DOCK2: variants seen among roughly 807,000 people sequenced by gnomAD.
DOCK2 encodes the protein dedicator of cytokinesis 2.
In DOCK2, 87 loss-of-function variants were observed where a neutral mutation model predicts 248.9. The ratio of observed to expected loss-of-function variants is 0.35; its 90% CI spans 0.29 to 0.42. The LOEUF is 0.42. Ranked by LOEUF, DOCK2 falls within the 10% of genes least tolerant of loss-of-function variation. The probability of loss-of-function intolerance (pLI) is 1.00; values close to 1 mark genes in which losing one functional copy is unlikely to be tolerated. For missense variants in DOCK2, 1,747 were observed against 2,300.2 expected, an observed-to-expected ratio of 0.76 and a Z score of 4.92; for synonymous variants, 805 against 821.6, an observed-to-expected ratio of 0.98 and a Z score of 0.35.
intron 27 of DOCK2, chr5:169,864,258 A>C: frequency 2.6e-6 from 4 of 1,548,874 alleles, no homozygotes; most frequent in Non-Finnish European, 3.5e-6. Context: ...GGGCTGGGGG[A>C]TGGTCCCAAC....
intron 2 of DOCK2, among the ~76,000 whole-genome samples, chr5:169,665,570 T>G (rs549951136): frequency 6.6e-6 from 1 of 152,298 alleles, no homozygotes; most frequent in African/African-American, 2.4e-5. Context: ...CCTCTATTCT[T>G]TTTTCTTTTG....
chr5:170,074,099 A>G (rs80344587), intron 46 of DOCK2, among the ~76,000 whole-genome samples: 7,623 of 152,184 alleles, frequency 0.05, 371 homozygotes, highest in African/African-American at 0.13. Context: ...TTACAACCTT[A>G]TCTCACTACT....
In DOCK2 at chr5:169,708,190, G is replaced by A. The variant is rs1203531858; in HGVS notation, c.1405G>A (p.Gly469Arg). 6.2e-7 allele frequency: 1 copy of A among 1,613,948 alleles called. No individual in the cohort carries two copies. The highest frequency in any genetic ancestry group is 2.2e-5 in the East Asian group (1 of 44,840). Residue 469 changes from glycine (G) to arginine (R), a missense_variant, in exon 15 of 52, where the codon GGG becomes AGG. Transcript: ENST00000520908. ...TCAGAATGCAATTTGCGTGGGAGCA[G>A]GGGACAAGCCCATGAATGAGTATCG... ...TLPNAICVGA[G>R]DKPMNEYRSV...
At position 170,077,729 on chromosome 5, in the gene DOCK2, G is replaced by A. The variant is rs1379272230; in HGVS notation, c.4886G>A (p.Arg1629Lys). The change falls in exon 48 of 52, where the codon AGA (arginine) becomes AAA (lysine). Residue 1629 changes from arginine to lysine, a missense_variant. Physicochemically the swap from Arg to Lys is conservative, Grantham distance 26 (BLOSUM62 2). This residue lies in a region of DOCK2 where 513 missense variants were observed against 586.1 expected (regional missense o/e 0.88). Coordinates refer to ENST00000520908, the MANE Select transcript of DOCK2 (RefSeq NM_004946.3). Reference sequence around the variant, plus strand: ...CCACAGCCTGACTTTGACGACAGGAGAGTGGGCCGTCCCAGGTCTATGCTG... The same window carrying A: ...CCACAGCCTGACTTTGACGACAGGAAAGTGGGCCGTCCCAGGTCTATGCTG... ...VREMPDFDDR[R>K]VGRPRSMLRS... 1.2e-6 allele frequency: 2 copies of A among 1,613,726 alleles called. No individual in the cohort carries two copies. The highest frequency in any genetic ancestry group is 1.6e-4 in the Middle Eastern group (1 of 6,082).
intron 38 of DOCK2, 101 bp downstream of exon 38, chr5:170,042,233 C>T: frequency 7.3e-7 from 1 of 1,362,248 alleles, no homozygotes; most frequent in Non-Finnish European, 9.9e-7. Context: ...TGTCAGATAT[C>T]CCTGCAAATC....
intron 1 of DOCK2, among the ~76,000 whole-genome samples, chr5:169,639,965 G>T (rs115556101): frequency 0.017 from 2,661 of 152,276 alleles, 84 homozygotes; most frequent in African/African-American, 0.06. Flanking sequence ...CACCACCAGG[G>T]TTGGCTTGTC....
intron 27 of DOCK2, among the ~76,000 whole-genome samples, chr5:169,879,814 G>A (rs148627099): frequency 6.6e-6 from 1 of 152,142 alleles, no homozygotes; most frequent in African/African-American, 2.4e-5. Context: ...CCAAGGCGAG[G>A]TCATGAAACT....
At chr5:169,863,723 A>T (rs1430852430) in intron 27 of DOCK2, among the ~76,000 whole-genome samples, 1 of 152,194 alleles carries the variant, frequency 6.6e-6, no homozygotes, top group Non-Finnish European at 1.5e-5. Context: ...AACCCAACAC[A>T]CCAGGGTGAT....
At chr5:169,681,614 A>C in intron 6 of DOCK2, 130 bp from the exon 7 acceptor site, 2 of 1,112,092 alleles carry the variant, frequency 1.8e-6, no homozygotes, top group Non-Finnish European at 2.6e-6. Flanking sequence ...GTCCCAGGCT[A>C]TCAGTGTAGA....
At chr5:170,058,408 A>C (rs928019935) in intron 44 of DOCK2, among the ~76,000 whole-genome samples, 1 of 152,210 alleles carries the variant, frequency 6.6e-6, no homozygotes, top group African/African-American at 2.4e-5. Context: ...AGTCAAAGTA[A>C]ATATATGACA....
rs1755152628 is a variant in DOCK2 at position 170,008,494 on chromosome 5, C to T, written c.3073-3C>T. ...TAACTGTTCTCTGCTCTTTCATTTA[C>T]AGCTGTGGAACAACTATTTTCATCT... On this transcript the variant is annotated splice_polypyrimidine_tract_variant and splice_region_variant and intron_variant, in intron 30 of 51. Transcript: ENST00000520908. The T allele has an allele frequency of 1.2e-6, 2 of 1,613,970 alleles. No individual in the cohort carries two copies. Among genetic ancestry groups the T allele is most frequent in the Non-Finnish European group, 1.7e-6 (2 of 1,179,948 alleles).
Position 169,702,246 on chromosome 5 carries a change from A to T in DOCK2, c.1259-57A>T. On this transcript the variant is annotated intron_variant, in intron 13 of 51. Transcript: ENST00000520908. ...CACCCTCCATCCCCTCTAGTTAGTCAGCGTCTCTCCTGCTGTAATCCACAC... is the reference window on the plus strand; with the variant it reads ...CACCCTCCATCCCCTCTAGTTAGTCTGCGTCTCTCCTGCTGTAATCCACAC... 3 of 1,591,178 alleles carry T rather than the reference A, an allele frequency of 1.9e-6. No individual in the cohort carries two copies. The South Asian group carries it at 3.4e-5, about 18-fold the overall frequency.
intron 9 of DOCK2, among the ~76,000 whole-genome samples, chr5:169,693,473 G>A (rs750196525): frequency 2.0e-5 from 3 of 152,162 alleles, no homozygotes; most frequent in Non-Finnish European, 4.4e-5. Context: ...TATTAATGTT[G>A]TTGGGGGGAA....
chr5:169,716,868 G>A (rs1253191332), intron 20 of DOCK2, among the ~76,000 whole-genome samples: 1 of 152,186 alleles, frequency 6.6e-6, no homozygotes. Flanking sequence ...TAGGGAATCA[G>A]TGCCCAACAA....
At chr5:169,827,877 C>CAT (rs1290096445) in intron 26 of DOCK2, among the ~76,000 whole-genome samples, 2 of 151,466 alleles carry the variant, frequency 1.3e-5, no homozygotes, top group East Asian at 4.1e-4. Context: ...AACACACACA[C>CAT]ACACACACAT....
chr5:169,817,855 C>T (rs939244159), intron 26 of DOCK2, among the ~76,000 whole-genome samples: 20 of 152,206 alleles, frequency 1.3e-4, no homozygotes, highest in African/African-American at 4.6e-4. Flanking sequence ...AATTAATGTC[C>T]GTGGTTTGAC....
chr5:170,082,061 T>A (rs1581582667), intron 51 of DOCK2, 77 bp downstream of exon 51: 6 of 1,563,396 alleles, frequency 3.8e-6, no homozygotes, highest in East Asian at 2.2e-5. Flanking sequence ...GAGAAGAAAA[T>A]GGGGGGTTGT....
chr5:169,939,098 G>T (rs1303025180), intron 27 of DOCK2, among the ~76,000 whole-genome samples: 2 of 151,508 alleles, frequency 1.3e-5, no homozygotes, highest in African/African-American at 4.8e-5. Flanking sequence ...TAGAGACGGG[G>T]TTTCACCGCA....
intron 2 of DOCK2, among the ~76,000 whole-genome samples, chr5:169,655,473 G>T (rs988599343): frequency 1.3e-5 from 2 of 152,204 alleles, no homozygotes; most frequent in Admixed American, 1.3e-4. Context: ...GGGAAAGGCG[G>T]TCACCTGCAG....
Sources: allele counts gnomAD v4.1 joint callset (sites outside exome capture counted in the v4.1 genomes callset), GRCh38; gene constraint gnomAD v4.1.1; regional missense constraint gnomAD v4.1.1; transcripts MANE v1.5; gene names NCBI Gene and HGNC (gene_info 2026-07-23, HGNC 2026-07-21).